SKI: variants seen among roughly 807,000 people sequenced by gnomAD.
The protein encoded by SKI is SKI proto-oncogene.
SKI carries 23 observed loss-of-function variants against 59.3 expected under a neutral mutation model. That is an observed-to-expected ratio of 0.39 (90% CI 0.28 to 0.55). The LOEUF (loss-of-function observed/expected upper bound fraction) is 0.55. Ranked by LOEUF, SKI falls within the 20% of genes least tolerant of loss-of-function variation. SKI has a pLI of 0.67. For missense variants in SKI, 1,017 were observed against 1,038.9 expected (o/e 0.98, Z 0.29); for synonymous variants, 673 against 488.6 (o/e 1.38, Z -4.98).
chr1:2,303,271 CTCTT>C lies in SKI; in HGVS notation c.1096-10_1096-7del. ...TTCTCCTGGTCACTCACACAGACAA[CTCTT>C]TCTCGACAGAGCCTGGGCTGTGTTC... On this transcript the variant is annotated splice_polypyrimidine_tract_variant and intron_variant, in intron 2 of 6. Transcript: ENST00000378536. The surrounding 1 kb of genome is among the most constrained non-coding windows in gnomAD (Gnocchi z 5.6). 1 of 1,612,488 alleles carries C rather than the reference CTCTT, an allele frequency of 6.2e-7. No homozygotes were observed. Among genetic ancestry groups the C allele is most frequent in the South Asian group, 1.1e-5 (1 of 91,084 alleles).
At chr1:2,287,389 G>T (rs10910049) in intron 1 of SKI, among the ~76,000 whole-genome samples, 67,514 of 147,762 alleles carry the variant, frequency 0.46, 15,829 homozygotes, top group Non-Finnish European at 0.53. Context: ...CAGGCTGGAG[G>T]GCAGTGGCGC....
rs774448846 is a variant in SKI, at chr1:2,303,066, C to A, written c.1058C>A (p.Ser353Tyr). 3.1e-6 allele frequency: 5 copies of A among 1,613,530 alleles called. No individual in the cohort carries two copies. Among genetic ancestry groups the A allele is most frequent in the Non-Finnish European group, 4.2e-6 (5 of 1,180,048 alleles). Residue 353 changes from serine (S) to tyrosine (Y), a missense_variant, in exon 2 of 7, where the codon TCC (serine) becomes TAC (tyrosine). Ser to Tyr is a moderately radical substitution (Grantham distance 144). Transcript: ENST00000378536. This position sits in a 1 kb window ranked among gnomAD's most constrained non-coding sequence, Gnocchi z 5.6. ...SPAPSEKDKP[S>Y]SWLRTLAGSS... is the part of the protein sequence containing the mutation. ...GCGCCTTCCGAAAAGGACAAGCCGTCCAGCTGGCTGCGGACCTTGGCCGGC... is the reference window on the plus strand; with the variant it reads ...GCGCCTTCCGAAAAGGACAAGCCGTACAGCTGGCTGCGGACCTTGGCCGGC...
intron 1 of SKI, among the ~76,000 whole-genome samples, chr1:2,240,017 T>C (rs1426985713): frequency 6.6e-6 from 1 of 152,188 alleles, no homozygotes; most frequent in African/African-American, 2.4e-5. Context: ...AACGTCGTTA[T>C]TTGGATTGTG....
At chr1:2,276,471 A>AT (rs1322099976) in intron 1 of SKI, among the ~76,000 whole-genome samples, 4 of 152,076 alleles carry the variant, frequency 2.6e-5, no homozygotes, top group Non-Finnish European at 5.9e-5. Flanking sequence ...TGGCCCTGGG[A>AT]TTGGGGAGCC....
chr1:2,276,764 G>C (rs1036307871), intron 1 of SKI, among the ~76,000 whole-genome samples: 1 of 152,318 alleles, frequency 6.6e-6, no homozygotes, highest in Non-Finnish European at 1.5e-5. Flanking sequence ...CCTGATTGCT[G>C]AGTTCCTGAT....
chr1:2,300,454 C>T (rs766499207), intron 1 of SKI, among the ~76,000 whole-genome samples: 4 of 152,278 alleles, frequency 2.6e-5, no homozygotes, highest in African/African-American at 4.8e-5. Flanking sequence ...AAGACTCAGC[C>T]GTCTGTCACT....
intron 1 of SKI, among the ~76,000 whole-genome samples, chr1:2,242,308 G>C (rs1210827897): frequency 1.3e-5 from 2 of 152,202 alleles, no homozygotes; most frequent in African/African-American, 4.8e-5. Context: ...AGTGCAGAGG[G>C]TAACCCCTTC....
chr1:2,291,798 G>A (rs529605927), intron 1 of SKI, among the ~76,000 whole-genome samples: 6 of 152,100 alleles, frequency 3.9e-5, no homozygotes, highest in Non-Finnish European at 8.8e-5. Flanking sequence ...GAAAGATTTG[G>A]CTTTTTGTCA....
chr1:2,265,488 C>T (rs957037691), intron 1 of SKI, among the ~76,000 whole-genome samples: 2 of 152,098 alleles, frequency 1.3e-5, no homozygotes, highest in East Asian at 1.9e-4. Flanking sequence ...CTTTATTTTA[C>T]TCTTTTAAAT....
intron 1 of SKI, among the ~76,000 whole-genome samples, chr1:2,234,192 A>G (rs1032590579): frequency 6.6e-6 from 1 of 152,036 alleles, no homozygotes. Context: ...CAGCAGCTCG[A>G]GAGTGGTTCT....
intron 1 of SKI, among the ~76,000 whole-genome samples, chr1:2,241,478 T>C (rs1692584): frequency 0.34 from 51,234 of 151,884 alleles, 8,855 homozygotes; most frequent in Admixed American, 0.4. Context: ...CTGCAAGCTC[T>C]GTCTCCCGGG....
chr1:2,297,332 G>C (rs897808008), intron 1 of SKI, among the ~76,000 whole-genome samples: 1 of 152,212 alleles, frequency 6.6e-6, no homozygotes, highest in Non-Finnish European at 1.5e-5. Context: ...CAGCCACACC[G>C]AAGAGAACCT....
intron 1 of SKI, among the ~76,000 whole-genome samples, chr1:2,235,131 C>T (rs981170736): frequency 4.8e-5 from 7 of 145,458 alleles, no homozygotes; most frequent in Non-Finnish European, 1.1e-4. Flanking sequence ...CAGCCTCCGT[C>T]TCCTGGGTTC....
At chr1:2,256,583 C>G (rs1292555885) in intron 1 of SKI, among the ~76,000 whole-genome samples, 1 of 152,244 alleles carries the variant, frequency 6.6e-6, no homozygotes, top group Non-Finnish European at 1.5e-5. Flanking sequence ...GTAGCCACAG[C>G]ACACTGTGCA....
chr1:2,231,375 T>C (rs371628625), intron 1 of SKI, among the ~76,000 whole-genome samples: 9 of 152,306 alleles, frequency 5.9e-5, no homozygotes, highest in Middle Eastern at 3.4e-3. Flanking sequence ...TTTGTCCGAC[T>C]GTGGGTCATG....
chr1:2,246,097 G>A (rs904355681), intron 1 of SKI, among the ~76,000 whole-genome samples: 4 of 152,140 alleles, frequency 2.6e-5, no homozygotes, highest in African/African-American at 7.2e-5. Context: ...CATTCAGCCC[G>A]TTTTTCTTTT....
At chr1:2,231,431 C>T (rs908962297) in intron 1 of SKI, among the ~76,000 whole-genome samples, 1 of 152,114 alleles carries the variant, frequency 6.6e-6, no homozygotes, top group Non-Finnish European at 1.5e-5. Flanking sequence ...GCTGGGGGCC[C>T]ATTGGAGTGG....
At position 2,228,599 on chromosome 1, in the gene SKI, C is replaced by T. The variant is rs962599878; in HGVS notation, c.-168C>T. On this transcript the variant is annotated 5_prime_UTR_variant, in exon 1 of 7. Transcript: ENST00000378536. ...GGACCCCTTCGCCCCGCCCGCCTTC[C>T]CCTTCGCGCCCCCGGGCGAGGCCGC... 4.0e-4 allele frequency: 65 copies of T among 163,908 alleles called. No individual in the cohort carries two copies. Among genetic ancestry groups the T allele is most frequent in the Non-Finnish European group, 6.5e-4 (54 of 83,652 alleles). 10.2% of individuals were successfully genotyped at this position (163,908 alleles called of 1,614,324 possible). A position where few individuals can be genotyped will look rare whatever the true frequency, so the allele number is the denominator to read the frequency against.
chr1:2,259,780 A>G (rs1280916005), intron 1 of SKI, among the ~76,000 whole-genome samples: 1 of 152,172 alleles, frequency 6.6e-6, no homozygotes, highest in Non-Finnish European at 1.5e-5. Flanking sequence ...CTTTGTCTAA[A>G]TGAAATCCTA....
Sources: allele counts gnomAD v4.1 joint callset (sites outside exome capture counted in the v4.1 genomes callset), GRCh38; gene constraint gnomAD v4.1.1; non-coding constraint Gnocchi (gnomAD v3.1); transcripts MANE v1.5; gene names NCBI Gene and HGNC (gene_info 2026-07-23, HGNC 2026-07-21).